The following P3H2 variants were observed in gnomAD, a reference collection of about 807,000 sequenced individuals.
P3H2 encodes the protein prolyl 3-hydroxylase 2.
A neutral mutation model predicts 87.0 loss-of-function variants in P3H2; 80 were observed. That is an observed-to-expected ratio of 0.92 (90% CI 0.77 to 1.11). The LOEUF (loss-of-function observed/expected upper bound fraction) is 1.11, where lower values mean the gene tolerates loss of function less well. Ranked by LOEUF, P3H2 falls within the 50% of genes least tolerant of loss-of-function variation. The pLI is 0.00. For missense variants in P3H2, 1,001 were observed against 923.9 expected (o/e 1.08, Z -1.08); for synonymous variants, 367 against 359.3 (o/e 1.02, Z -0.24).
In P3H2 at chr3:189,974,819, T is replaced by C. The variant is rs181044180; in HGVS notation, c.1325-134A>G. On this transcript the variant is annotated intron_variant, in intron 8 of 14. Coordinates refer to ENST00000319332, the MANE Select transcript of P3H2 (RefSeq NM_018192.4). ...GAATATTTAGAAATGCAAAGACAAA[T>C]TGCAAATTAGGAAGCTTGATAAACA... 4.7e-5 allele frequency: 50 copies of C among 1,073,328 alleles called. No homozygotes were observed. In the East Asian group the frequency reaches 5.1e-4, roughly 11 times the overall value. 66.5% of individuals were successfully genotyped at this position (1,073,328 alleles called of 1,614,324 possible).
rs1277651738 is a variant in P3H2, at chr3:190,048,299, C to G, written c.481-52857G>C. Reference sequence around the variant, plus strand: ...TCACTTGAGGTCAGGAGTTCGAGACCAGCCTGGCCAACATGGTGAAACCCC... The same window carrying G: ...TCACTTGAGGTCAGGAGTTCGAGACGAGCCTGGCCAACATGGTGAAACCCC... On this transcript the variant is annotated intron_variant, in intron 1 of 14. Coordinates refer to ENST00000319332, the MANE Select transcript of P3H2 (RefSeq NM_018192.4). Among the ~76,000 whole-genome samples the G allele has an allele frequency of 3.3e-5, 5 of 152,116 alleles. No individual in the cohort carries two copies. In the East Asian group the frequency reaches 5.8e-4, roughly 18 times the overall value.
chr3:190,004,695 T>C (rs1724333569), intron 1 of P3H2, among the ~76,000 whole-genome samples: 1 of 152,180 alleles, frequency 6.6e-6, no homozygotes, highest in Non-Finnish European at 1.5e-5. Context: ...AACAATAATT[T>C]ATAGCACCAA....
At chr3:190,018,651 A>G (rs1052512151) in intron 1 of P3H2, among the ~76,000 whole-genome samples, 38 of 152,254 alleles carry the variant, frequency 2.5e-4, no homozygotes, top group African/African-American at 7.9e-4. Flanking sequence ...TGAGGTTGCA[A>G]TGAGCTATGA....
chr3:190,061,580 AC>A (rs776751265), intron 1 of P3H2, among the ~76,000 whole-genome samples: 3 of 152,086 alleles, frequency 2.0e-5, no homozygotes, highest in Non-Finnish European at 4.4e-5. Context: ...TCTAAATAGT[AC>A]TAAACCTTTT....
At chr3:189,995,556 G>GGGTT in intron 1 of P3H2, 114 bp from the exon 2 acceptor site, 1 of 839,178 alleles carries the variant, frequency 1.2e-6, no homozygotes, top group East Asian at 3.0e-5. Context: ...AGGAGCCTTG[G>GGGTT]TTTTTTTTTT....
At chr3:189,976,340 C>T (rs1339718840) in intron 8 of P3H2, among the ~76,000 whole-genome samples, 1 of 152,154 alleles carries the variant, frequency 6.6e-6, no homozygotes, top group Non-Finnish European at 1.5e-5. Context: ...CACAGTTCCA[C>T]GTCTGGGGAG....
chr3:189,958,623 A>G (rs756069541), intron 14 of P3H2, among the ~76,000 whole-genome samples: 3 of 151,404 alleles, frequency 2.0e-5, no homozygotes, highest in Non-Finnish European at 4.4e-5. Flanking sequence ...TCTACCTACC[A>G]CAGGTGTCAG....
chr3:190,097,248 T>C (rs1442108515), intron 1 of P3H2, among the ~76,000 whole-genome samples: 5 of 152,130 alleles, frequency 3.3e-5, no homozygotes, highest in Non-Finnish European at 7.3e-5. Context: ...GAACATATCA[T>C]GCAAGTACTG....
At chr3:190,088,727 G>C (rs1452771860) in intron 1 of P3H2, among the ~76,000 whole-genome samples, 1 of 152,078 alleles carries the variant, frequency 6.6e-6, no homozygotes, top group Non-Finnish European at 1.5e-5. Flanking sequence ...CCTTGTACTT[G>C]ATTTTCTCAT....
intron 1 of P3H2, among the ~76,000 whole-genome samples, chr3:190,069,265 G>A (rs897446812): frequency 1.1e-4 from 17 of 152,146 alleles, no homozygotes; most frequent in Admixed American, 3.9e-4. Flanking sequence ...ACATTGCTAA[G>A]ATGTGGGTTT....
At chr3:189,981,981 T>C (rs1298942560) in intron 8 of P3H2, among the ~76,000 whole-genome samples, 9 of 152,152 alleles carry the variant, frequency 5.9e-5, no homozygotes, top group African/African-American at 1.9e-4. Context: ...GTGAGAGCTG[T>C]AGAGAGCCAA....
chr3:190,011,229 C>T (rs1214613995), intron 1 of P3H2, among the ~76,000 whole-genome samples: 1 of 150,020 alleles, frequency 6.7e-6, no homozygotes, highest in Non-Finnish European at 1.5e-5. Flanking sequence ...GCCGAGATTG[C>T]GCCACTGCAC....
chr3:189,968,207 G>A (rs1033059912), intron 13 of P3H2, among the ~76,000 whole-genome samples: 1 of 152,108 alleles, frequency 6.6e-6, no homozygotes, highest in Non-Finnish European at 1.5e-5. Flanking sequence ...GTGGTTTGCT[G>A]CACCCCATCA....
rs528050163 is a variant in P3H2 at position 189,980,669 on chromosome 3, A to G, written c.1324+2377T>C. ...TAATTAGGTATCTGACGACTGGACAACAGGCTTTTTAGTTATGATATAATA... is the reference window on the plus strand; with the variant it reads ...TAATTAGGTATCTGACGACTGGACAGCAGGCTTTTTAGTTATGATATAATA... On this transcript the variant is annotated intron_variant, in intron 8 of 14. Transcript: ENST00000319332. 4.6e-5 allele frequency among the ~76,000 whole-genome samples: 7 copies of G among 152,356 alleles called. No individual in the cohort carries two copies. In the East Asian group the frequency reaches 9.6e-4, roughly 21 times the overall value.
intron 1 of P3H2, among the ~76,000 whole-genome samples, chr3:190,016,178 G>A (rs958453847): frequency 3.3e-5 from 5 of 152,092 alleles, no homozygotes; most frequent in Non-Finnish European, 7.4e-5. Flanking sequence ...ATCCTAATTT[G>A]TTTTACCTTA....
chr3:190,043,138 A>C (rs1278806275), intron 1 of P3H2, among the ~76,000 whole-genome samples: 6 of 97,724 alleles, frequency 6.1e-5, no homozygotes, highest in Non-Finnish European at 9.1e-5. Context: ...ATCACAAAAT[A>C]ATAGAAGCGT....
At chr3:190,048,612 C>T (rs942741779) in intron 1 of P3H2, among the ~76,000 whole-genome samples, 3 of 152,048 alleles carry the variant, frequency 2.0e-5, no homozygotes, top group African/African-American at 7.2e-5. Flanking sequence ...TATTAAAAAA[C>T]AAACAAATGA....
intron 1 of P3H2, among the ~76,000 whole-genome samples, chr3:190,005,506 A>G (rs535167764): frequency 2.1e-4 from 32 of 152,360 alleles, no homozygotes; most frequent in African/African-American, 7.0e-4. Context: ...ATAATTTCCA[A>G]CATGCTTGGT....
At chr3:190,024,242 T>C (rs956881446) in intron 1 of P3H2, among the ~76,000 whole-genome samples, 10 of 152,096 alleles carry the variant, frequency 6.6e-5, no homozygotes, top group African/African-American at 2.4e-4. Flanking sequence ...TCTTACTATT[T>C]ACGACAGATG....
Sources: gnomAD v4.1 joint callset for allele counts (sites outside exome capture counted in the v4.1 genomes callset) on GRCh38, gnomAD v4.1.1 for gene constraint, MANE v1.5 for transcripts, NCBI Gene and HGNC (gene_info 2026-07-23, HGNC 2026-07-21) for gene names.